IL21R: variants seen among roughly 807,000 people sequenced by gnomAD.
The protein encoded by IL21R is interleukin-21 receptor.
Under a neutral mutation model 41.3 loss-of-function variants are expected in IL21R, and 14 were observed. The ratio of observed to expected loss-of-function variants is 0.34; its 90% CI spans 0.22 to 0.53. The LOEUF is 0.53. IL21R is among the 20% of genes least tolerant of loss of function. The probability of loss-of-function intolerance (pLI) is 0.94; values close to 1 mark genes in which losing one functional copy is unlikely to be tolerated. For synonymous variants in IL21R, 286 were observed against 287.6 expected (o/e 0.99, Z 0.05); for missense variants, 588 against 681.6 (o/e 0.86, Z 1.53).
intron 3 of IL21R, among the ~76,000 whole-genome samples, chr16:27,435,252 C>G (rs889443266): frequency 1.3e-5 from 2 of 151,636 alleles, no homozygotes; most frequent in Admixed American, 6.6e-5. Flanking sequence ...AAGATCCCAA[C>G]TCAAAAACAA....
rs991926419 is a variant in IL21R, at chr16:27,450,367, G to T, written c.*1084G>T. The T allele has an allele frequency of 5.2e-5, 12 of 231,682 alleles. No homozygotes were observed. Among genetic ancestry groups the T allele is most frequent in the Non-Finnish European group, 8.5e-5 (10 of 117,154 alleles). 14.4% of individuals were successfully genotyped at this position (231,682 alleles called of 1,614,324 possible). On this transcript the variant is annotated 3_prime_UTR_variant, in exon 9 of 9. Transcript: ENST00000337929. ...CCACCCCCCGTGGCACTCATGGAGG[G>T]GGCTGCAGGTTGGAACTATGCAGTG...
chr16:27,422,025 CCTTA>C (rs1349827464), intron 1 of IL21R, among the ~76,000 whole-genome samples: 2 of 151,916 alleles, frequency 1.3e-5, no homozygotes, highest in African/African-American at 2.4e-5. Context: ...ATCATATTGA[CCTTA>C]CTTTTATTTT....
chr16:27,419,731 AT>A (rs922758888), intron 1 of IL21R, among the ~76,000 whole-genome samples: 5 of 149,850 alleles, frequency 3.3e-5, no homozygotes, highest in Non-Finnish European at 5.9e-5. Context: ...CCCCTCCAAC[AT>A]TTTTTTTTAA....
At chr16:27,430,213 C>A in intron 2 of IL21R, 93 bp downstream of exon 2, 3 of 1,037,044 alleles carry the variant, frequency 2.9e-6, no homozygotes, top group Non-Finnish European at 4.3e-6. Flanking sequence ...AAAAACACGG[C>A]TAGAGTCCAC....
At chr16:27,438,685 T>C (rs1190588237) in intron 4 of IL21R, among the ~76,000 whole-genome samples, 2 of 151,776 alleles carry the variant, frequency 1.3e-5, no homozygotes, top group South Asian at 2.1e-4. Flanking sequence ...CTGGGCAACA[T>C]GGTGAAACCC....
chr16:27,448,967 G>T lies in IL21R; in HGVS notation c.1301G>T (p.Gly434Val). ...CTGTCCTGTGGCTGTGTCTCAGCTG[G>T]CAGCCCTGGGCTAGGAGGGCCCCTG... ...TVLSCGCVSA[G>V]SPGLGGPLGS... Residue 434 changes from glycine (G) to valine (V), a missense_variant, in exon 9 of 9, where the codon GGC (glycine) becomes GTC (valine). Transcript: ENST00000337929. 1 of 1,613,114 alleles carries T rather than the reference G, an allele frequency of 6.2e-7. No homozygotes were observed. The highest frequency in any genetic ancestry group is 8.5e-7 in the Non-Finnish European group (1 of 1,179,898).
At chr16:27,417,452 C>T (rs1250941729) in intron 1 of IL21R, among the ~76,000 whole-genome samples, 1 of 152,220 alleles carries the variant, frequency 6.6e-6, no homozygotes, top group Non-Finnish European at 1.5e-5. Context: ...CAGGCATGAG[C>T]TACTGCATCT....
At chr16:27,446,669 G>GGGTGA (rs998291562) in intron 8 of IL21R, among the ~76,000 whole-genome samples, 1 of 152,110 alleles carries the variant, frequency 6.6e-6, no homozygotes, top group African/African-American at 2.4e-5. Flanking sequence ...CTGGGATAGG[G>GGGTGA]GGTGAGGCTG....
chr16:27,430,966 A>AG lies in IL21R; in HGVS notation c.49+851dup, dbSNP rs938645919. 5.5e-4 allele frequency among the ~76,000 whole-genome samples: 83 copies of AG among 152,172 alleles called. 1 individual carries two copies. Among genetic ancestry groups the AG allele is most frequent in the African/African-American group, 2.0e-3 (81 of 41,432 alleles). ...CCAGAGGACCAGATGTTGTGGTTAGAGGGGGTGACGTTAGAAAGCAGAACT... is the reference window on the plus strand; with the variant it reads ...CCAGAGGACCAGATGTTGTGGTTAGAGGGGGGTGACGTTAGAAAGCAGAACT... On this transcript the variant is annotated intron_variant, in intron 2 of 8. Transcript: ENST00000337929.
At position 27,426,320 on chromosome 16, in the gene IL21R, A is replaced by T. The variant is rs2087077095; in HGVS notation, c.-16-3736A>T. 1.3e-5 allele frequency among the ~76,000 whole-genome samples: 2 copies of T among 152,222 alleles called. 1 individual carries two copies. Among genetic ancestry groups the T allele is most frequent in the Middle Eastern group, 6.3e-3 (2 of 316 alleles). On this transcript the variant is annotated intron_variant, in intron 1 of 8. Transcript: ENST00000337929. ...TGATGGTCATGATATAATATTTTTG[A>T]GACATGTTTATTGGAGTAAAAAATA...
At chr16:27,444,513 C>T in intron 5 of IL21R, 29 bp from the exon 6 acceptor site, 1 of 1,441,464 alleles carries the variant, frequency 6.9e-7, no homozygotes, top group African/African-American at 1.5e-5. Context: ...TTAACCCTGA[C>T]CTGGTGCATC....
chr16:27,439,396 CA>C (rs1440136996), intron 4 of IL21R, among the ~76,000 whole-genome samples: 1 of 151,708 alleles, frequency 6.6e-6, no homozygotes, highest in Non-Finnish European at 1.5e-5. Context: ...ACACAATACA[CA>C]CACACTCACA....
intron 1 of IL21R, among the ~76,000 whole-genome samples, chr16:27,419,553 G>A (rs6498025): frequency 0.35 from 53,899 of 151,936 alleles, 9,930 homozygotes; most frequent in East Asian, 0.5. Flanking sequence ...TCAGTCTCAC[G>A]AATAGCTGGA....
chr16:27,430,720 CG>C (rs2087156196), intron 2 of IL21R, among the ~76,000 whole-genome samples: 1 of 151,934 alleles, frequency 6.6e-6, no homozygotes. Context: ...GGGGCTGAGG[CG>C]GGAGGATTGC....
intron 1 of IL21R, chr16:27,402,951 C>A (rs561381945): frequency 2.5e-5 from 9 of 361,786 alleles, no homozygotes; most frequent in South Asian, 4.4e-5. Context: ...CGATTCTGGG[C>A]GGCTGAGTCG....
chr16:27,442,428 A>G (rs184668919), intron 4 of IL21R, among the ~76,000 whole-genome samples: 45 of 152,256 alleles, frequency 3.0e-4, no homozygotes, highest in Admixed American at 1.2e-3. Flanking sequence ...CAGTGGCGCA[A>G]TCTTGGCTCA....
Position 27,451,273 on chromosome 16 carries a change from C to T in IL21R, c.*1990C>T. ...CCAGGAAAGCAGCACAGCTCTCCTGCACCCAGAGCTTGCTGGGTGGCGGAG... is the reference window on the plus strand; with the variant it reads ...CCAGGAAAGCAGCACAGCTCTCCTGTACCCAGAGCTTGCTGGGTGGCGGAG... On this transcript the variant is annotated 3_prime_UTR_variant, in exon 9 of 9. Transcript: ENST00000337929. 1 of 230,180 alleles carries T rather than the reference C, an allele frequency of 4.3e-6. No individual in the cohort carries two copies. Among genetic ancestry groups the T allele is most frequent in the Non-Finnish European group, 8.6e-6 (1 of 116,074 alleles). 14.3% of individuals were successfully genotyped at this position (230,180 alleles called of 1,614,324 possible).
At chr16:27,434,648 C>T (rs2087235586) in intron 3 of IL21R, among the ~76,000 whole-genome samples, 199 bp downstream of exon 3, 1 of 152,182 alleles carries the variant, frequency 6.6e-6, no homozygotes, top group South Asian at 2.1e-4. Context: ...CTCACCCACA[C>T]AGGTCGGCCA....
chr16:27,420,271 GT>G (rs2086978408), intron 1 of IL21R, among the ~76,000 whole-genome samples: 1 of 152,162 alleles, frequency 6.6e-6, no homozygotes, highest in African/African-American at 2.4e-5. Context: ...TGAGTAAAGT[GT>G]TGTGTCATGA....
Sources: gnomAD v4.1 joint callset for allele counts (sites outside exome capture counted in the v4.1 genomes callset) on GRCh38, gnomAD v4.1.1 for gene constraint, MANE v1.5 for transcripts, NCBI Gene and HGNC (gene_info 2026-07-23, HGNC 2026-07-21) for gene names.